Variants in TANGO6 observed in about 807,000 individuals in gnomAD.
TANGO6 encodes the protein transport and golgi organization 6 homolog.
A neutral mutation model predicts 114.2 loss-of-function variants in TANGO6; 90 were observed. That is an observed-to-expected ratio of 0.79 (90% confidence interval 0.66 to 0.94). The LOEUF (loss-of-function observed/expected upper bound fraction) is 0.94. TANGO6 is among the 40% of genes least tolerant of loss of function. The probability of loss-of-function intolerance (pLI) is 0.00; values close to 1 mark genes in which losing one functional copy is unlikely to be tolerated. For missense variants in TANGO6, 1,274 were observed against 1,315.3 expected (o/e 0.97, Z 0.49); for synonymous variants, 477 against 509.8 (o/e 0.94, Z 0.87).
intron 11 of TANGO6, among the ~76,000 whole-genome samples, chr16:68,916,646 G>T (rs1261852237): frequency 8.6e-5 from 13 of 151,990 alleles, no homozygotes; most frequent in Admixed American, 7.9e-4. Flanking sequence ...TCAAAATGTC[G>T]GGAGTGAGTC....
intron 11 of TANGO6, among the ~76,000 whole-genome samples, chr16:68,915,595 A>T (rs1962992771): frequency 6.6e-6 from 1 of 152,208 alleles, no homozygotes. Context: ...CCTGGAGGCA[A>T]CATAGTTGGC....
At chr16:68,864,119 A>G (rs1454590376) in intron 3 of TANGO6, among the ~76,000 whole-genome samples, 1 of 152,066 alleles carries the variant, frequency 6.6e-6, no homozygotes, top group East Asian at 1.9e-4. Flanking sequence ...GGTTGCAGCG[A>G]GATGAGATCA....
intron 14 of TANGO6, among the ~76,000 whole-genome samples, chr16:68,930,771 G>A (rs1430665856): frequency 1.3e-5 from 2 of 151,786 alleles, no homozygotes; most frequent in Non-Finnish European, 2.9e-5. Context: ...AAGTAGCTGG[G>A]ATTACAGGTG....
At chr16:68,893,649 T>C (rs1184128690) in intron 7 of TANGO6, among the ~76,000 whole-genome samples, 2 of 150,372 alleles carry the variant, frequency 1.3e-5, no homozygotes, top group African/African-American at 2.5e-5. Flanking sequence ...GTCACGAGAA[T>C]TGGTTGAACC....
intron 7 of TANGO6, among the ~76,000 whole-genome samples, chr16:68,887,163 C>T (rs1962550192): frequency 1.3e-5 from 2 of 152,174 alleles, no homozygotes; most frequent in Admixed American, 1.3e-4. Flanking sequence ...TTTTTATAAT[C>T]CCCAACCTGT....
chr16:68,877,529 G>A (rs141749561), intron 5 of TANGO6, among the ~76,000 whole-genome samples: 46 of 151,170 alleles, frequency 3.0e-4, no homozygotes, highest in African/African-American at 9.7e-4. Flanking sequence ...TTCCCTATGC[G>A]TATGCCTAAA....
intron 7 of TANGO6, among the ~76,000 whole-genome samples, chr16:68,884,759 T>G (rs1962516466): frequency 6.6e-6 from 1 of 152,130 alleles, no homozygotes; most frequent in African/African-American, 2.4e-5. Context: ...AGTTATCCTC[T>G]AAAAAACAGA....
intron 16 of TANGO6, among the ~76,000 whole-genome samples, chr16:69,038,925 T>C (rs1161080950): frequency 6.6e-6 from 1 of 152,118 alleles, no homozygotes; most frequent in African/African-American, 2.4e-5. Flanking sequence ...GGCTCACACC[T>C]ATAATCCCAG....
intron 3 of TANGO6, among the ~76,000 whole-genome samples, chr16:68,866,244 G>GTT (rs547304926): frequency 1.1e-4 from 15 of 142,714 alleles, no homozygotes; most frequent in South Asian, 2.2e-4. Flanking sequence ...GTTTTGTAAA[G>GTT]TTTTTTTTTT....
chr16:68,848,595 A>G (rs573742960), intron 1 of TANGO6, among the ~76,000 whole-genome samples: 1 of 152,270 alleles, frequency 6.6e-6, no homozygotes, highest in Non-Finnish European at 1.5e-5. Flanking sequence ...AGAGATCACC[A>G]CTATTAAAAC....
At chr16:69,083,416 G>A in intron 17 of TANGO6, 69 bp from the exon 18 acceptor site, 1 of 1,504,204 alleles carries the variant, frequency 6.6e-7, no homozygotes, top group South Asian at 1.3e-5. Flanking sequence ...CAGGAGGAGA[G>A]GGCAGTTCAG....
intron 17 of TANGO6, among the ~76,000 whole-genome samples, chr16:69,078,638 A>T (rs1276371110): frequency 6.6e-6 from 1 of 152,214 alleles, no homozygotes; most frequent in Non-Finnish European, 1.5e-5. Context: ...CTAGACCAGA[A>T]GCCTTTTAAA....
At chr16:68,962,929 G>GA (rs764209359) in intron 14 of TANGO6, among the ~76,000 whole-genome samples, 2,350 of 128,270 alleles carry the variant, frequency 0.018, 56 homozygotes, top group East Asian at 0.075. Flanking sequence ...CTCAAAATAT[G>GA]AAAAAAAAAA....
At chr16:68,926,828 A>G (rs1963173156) in intron 12 of TANGO6, 1 of 152,152 alleles carries the variant, frequency 6.6e-6, no homozygotes, top group Non-Finnish European at 1.5e-5. Context: ...TCAAACAGAA[A>G]AGTATTACCA....
chr16:69,027,150 CCG>C (rs1341903202), intron 16 of TANGO6, among the ~76,000 whole-genome samples: 1 of 152,180 alleles, frequency 6.6e-6, no homozygotes. Flanking sequence ...GCATGAGCCA[CCG>C]CGCCCGGGCC....
intron 15 of TANGO6, among the ~76,000 whole-genome samples, chr16:68,984,320 A>T (rs551647306): frequency 6.6e-6 from 1 of 152,280 alleles, no homozygotes; most frequent in East Asian, 1.9e-4. Context: ...CAATTCAACA[A>T]ACATTTATAT....
intron 15 of TANGO6, among the ~76,000 whole-genome samples, chr16:69,020,441 G>A (rs1959381922): frequency 6.6e-6 from 1 of 152,188 alleles, no homozygotes; most frequent in South Asian, 2.1e-4. Context: ...ACCAAGGCAC[G>A]AGTGACAAAT....
At chr16:68,988,106 A>G (rs1271183933) in intron 15 of TANGO6, among the ~76,000 whole-genome samples, 1 of 152,134 alleles carries the variant, frequency 6.6e-6, no homozygotes, top group African/African-American at 2.4e-5. Flanking sequence ...TCTCCTCCAG[A>G]GTAAAATTCT....
intron 7 of TANGO6, among the ~76,000 whole-genome samples, chr16:68,891,785 G>T (rs1194626786): frequency 6.8e-6 from 1 of 147,176 alleles, no homozygotes; most frequent in African/African-American, 2.5e-5. Context: ...GCTTAAGGAA[G>T]GAAGGAAGAA....
Sources: gnomAD v4.1 joint callset for allele counts (sites outside exome capture counted in the v4.1 genomes callset) on GRCh38, gnomAD v4.1.1 for gene constraint, MANE v1.5 for transcripts, NCBI Gene and HGNC (gene_info 2026-07-23, HGNC 2026-07-21) for gene names.